VAV2: variants seen among roughly 807,000 people sequenced by gnomAD.
VAV2 encodes the protein guanine nucleotide exchange factor VAV2.
In VAV2, 67 loss-of-function variants were observed where a neutral mutation model predicts 132.5. The observed-to-expected ratio is 0.51, with a 90% CI of 0.42 to 0.62. VAV2 has a LOEUF of 0.62. Among genes scored for constraint, VAV2 ranks in the 20% least tolerant of loss-of-function variants. The pLI is 0.00. For synonymous variants in VAV2, 492 were observed against 443.5 expected (o/e 1.11, Z -1.37); for missense variants, 938 against 1,153.6 (o/e 0.81, Z 2.71).
At chr9:133,787,605 A>C (rs1834278557) in intron 15 of VAV2, among the ~76,000 whole-genome samples, 4 of 142,474 alleles carry the variant, frequency 2.8e-5, no homozygotes, top group African/African-American at 7.6e-5. Context: ...AGGGCTCCTG[A>C]CCCCCGCCCC....
intron 1 of VAV2, among the ~76,000 whole-genome samples, chr9:133,940,064 G>C (rs1408507998): frequency 6.6e-6 from 1 of 152,214 alleles, no homozygotes; most frequent in African/African-American, 2.4e-5. Flanking sequence ...AGGTGAGGTG[G>C]CCCGGGGGGC....
rs1840180462 is a variant in VAV2, at chr9:133,918,467, GGT to G, written c.321+20634_321+20635del. Among the ~76,000 whole-genome samples, 1 of 151,950 alleles carries G rather than the reference GGT, an allele frequency of 6.6e-6. No individual in the cohort carries two copies. Among genetic ancestry groups the G allele is most frequent in the Non-Finnish European group, 1.5e-5 (1 of 67,994 alleles). ...CTGGAAAGGCGGCAGACTCCTTCTCGGTGGCACCCATTGTAAGAGTCAGCCTG... is the reference window on the plus strand; with the variant it reads ...CTGGAAAGGCGGCAGACTCCTTCTCGGGCACCCATTGTAAGAGTCAGCCTG... On this transcript the variant is annotated intron_variant, in intron 2 of 29. Transcript: ENST00000371850. The surrounding 1 kb of genome is among the most constrained non-coding windows in gnomAD (Gnocchi z 4.7).
rs1178579665 is a variant in VAV2, at chr9:133,769,394, C to T, written c.2434+23G>A. ...GCAGCTGCCACAGGCCCGGTCCCCCCACGCCCTGGGGAGCAGCGGTACCTG... is the reference window on the plus strand; with the variant it reads ...GCAGCTGCCACAGGCCCGGTCCCCCTACGCCCTGGGGAGCAGCGGTACCTG... On this transcript the variant is annotated intron_variant, in intron 28 of 29. Coordinates refer to ENST00000371850, the MANE Select transcript of VAV2 (RefSeq NM_001134398.2). The surrounding 1 kb of genome is among the most constrained non-coding windows in gnomAD (Gnocchi z 8.1). 2 of 1,600,212 alleles carry T rather than the reference C, an allele frequency of 1.2e-6. No individual in the cohort carries two copies. Among genetic ancestry groups the T allele is most frequent in the Middle Eastern group, 1.7e-4 (1 of 5,922 alleles).
At position 133,834,095 on chromosome 9, in the gene VAV2, C is replaced by T. The variant is rs1414672130; in HGVS notation, c.449+177G>A. 1.3e-5 allele frequency among the ~76,000 whole-genome samples: 2 copies of T among 152,218 alleles called. No homozygotes were observed. Among genetic ancestry groups the T allele is most frequent in the Non-Finnish European group, 2.9e-5 (2 of 68,020 alleles). The stretch of plus-strand genomic sequence containing the variant: ...GAGGTCTCTCAGATGCATGCCTTCC[C>T]ACTCAGCACGGAAGCCCACACCATG... On this transcript the variant is annotated intron_variant, in intron 4 of 29. Coordinates refer to ENST00000371850, the MANE Select transcript of VAV2 (RefSeq NM_001134398.2). The surrounding 1 kb of genome is among the most constrained non-coding windows in gnomAD (Gnocchi z 5.9).
chr9:133,940,672 CGTGTGTGT>C (rs60265901), intron 1 of VAV2, among the ~76,000 whole-genome samples: 261 of 139,328 alleles, frequency 1.9e-3, no homozygotes, highest in African/African-American at 5.8e-3. Context: ...TGTCCACGTG[CGTGTGTGT>C]GTGTGTGTGT....
At chr9:133,955,950 C>A (rs1035907001) in intron 1 of VAV2, among the ~76,000 whole-genome samples, 2 of 150,700 alleles carry the variant, frequency 1.3e-5, no homozygotes, top group East Asian at 4.0e-4. Flanking sequence ...GCTGGAGGCC[C>A]CCGCTCCGGG....
chr9:133,796,227 C>T (rs1834707323), intron 11 of VAV2, among the ~76,000 whole-genome samples: 1 of 152,206 alleles, frequency 6.6e-6, no homozygotes, highest in Non-Finnish European at 1.5e-5. Context: ...AGTGATTGGA[C>T]TCATCATTTT....
chr9:133,789,913 G>A (rs1448098971), intron 13 of VAV2, among the ~76,000 whole-genome samples: 1 of 152,246 alleles, frequency 6.6e-6, no homozygotes, highest in Non-Finnish European at 1.5e-5. Flanking sequence ...CACACAGACA[G>A]GAAAAGGTGG....
intron 3 of VAV2, among the ~76,000 whole-genome samples, chr9:133,849,377 TAAG>T (rs1238774478): frequency 6.6e-6 from 1 of 152,098 alleles, no homozygotes; most frequent in Non-Finnish European, 1.5e-5. Context: ...AGGGCTACGT[TAAG>T]AAGCACTGGT....
chr9:133,784,006 G>A (rs577374553), intron 18 of VAV2, among the ~76,000 whole-genome samples: 142 of 151,162 alleles, frequency 9.4e-4, no homozygotes, highest in Non-Finnish European at 1.1e-3. Context: ...TCAGCCTCCC[G>A]AGTAGCTGGG....
At chr9:133,965,393 G>A (rs2132237170) in intron 1 of VAV2, among the ~76,000 whole-genome samples, 1 of 151,648 alleles carries the variant, frequency 6.6e-6, no homozygotes, top group East Asian at 1.9e-4. Flanking sequence ...CAGCTACTAG[G>A]GAGGCTGAGA....
At chr9:133,946,367 C>T (rs1841359551) in intron 1 of VAV2, among the ~76,000 whole-genome samples, 1 of 152,250 alleles carries the variant, frequency 6.6e-6, no homozygotes, top group East Asian at 1.9e-4. Flanking sequence ...AAAAGGGAAC[C>T]TGGGCACCAC....
At chr9:133,913,363 G>GT (rs1365568864) in intron 2 of VAV2, among the ~76,000 whole-genome samples, 1 of 152,236 alleles carries the variant, frequency 6.6e-6, no homozygotes, top group African/African-American at 2.4e-5. Flanking sequence ...CCACCTGGCA[G>GT]TCAGCACAGA....
intron 1 of VAV2, among the ~76,000 whole-genome samples, chr9:133,955,966 C>T (rs1404796007): frequency 6.6e-6 from 1 of 151,004 alleles, no homozygotes; most frequent in Non-Finnish European, 1.5e-5. Flanking sequence ...CCGGGGAGCT[C>T]TCAGACGGGC....
rs1588231028 is a variant in VAV2, at chr9:133,826,314, C to T, written c.449+7958G>A. ...AAAGCAGCCAGCAGCTGCAGCCTCA[C>T]ATCCAAGCCCTCGCCCAGAGCCCTG... On this transcript the variant is annotated intron_variant, in intron 4 of 29. Transcript: ENST00000371850. The surrounding 1 kb of genome is among the most constrained non-coding windows in gnomAD (Gnocchi z 4.2). Among the ~76,000 whole-genome samples, 1 of 152,238 alleles carries T rather than the reference C, an allele frequency of 6.6e-6. No homozygotes were observed. Among genetic ancestry groups the T allele is most frequent in the African/African-American group, 2.4e-5 (1 of 41,464 alleles).
chr9:133,770,346 GTGC>G, intron 27 of VAV2, 29 bp downstream of exon 27: 1 of 1,613,178 alleles, frequency 6.2e-7, no homozygotes, highest in Non-Finnish European at 8.5e-7. Context: ...CCTCCGAGGA[GTGC>G]TGGTGTGCCG....
rs531794924 is a variant in VAV2 at position 133,867,018 on chromosome 9, T to C, written c.322-5586A>G. 2.0e-5 allele frequency among the ~76,000 whole-genome samples: 3 copies of C among 152,140 alleles called. No homozygotes were observed. In the South Asian group the frequency reaches 6.2e-4, roughly 32 times the overall value. On this transcript the variant is annotated intron_variant, in intron 2 of 29. Coordinates refer to ENST00000371850, the MANE Select transcript of VAV2 (RefSeq NM_001134398.2). Reference sequence around the variant, plus strand: ...CTCCCTGAGCCTGTTTCCTCAACAGTAAAACACGGTCCTAACAGAGGTCTC... The same window carrying C: ...CTCCCTGAGCCTGTTTCCTCAACAGCAAAACACGGTCCTAACAGAGGTCTC...
At chr9:133,764,997 A>C (rs1451005077) in intron 29 of VAV2, among the ~76,000 whole-genome samples, 1 of 152,240 alleles carries the variant, frequency 6.6e-6, no homozygotes, top group Non-Finnish European at 1.5e-5. Context: ...AATGAACTTC[A>C]AAATGAACTC....
chr9:133,971,192 G>A (rs1044211577), intron 1 of VAV2, among the ~76,000 whole-genome samples: 2 of 152,194 alleles, frequency 1.3e-5, no homozygotes, highest in African/African-American at 4.8e-5. Flanking sequence ...TCCAAAGCTT[G>A]CAGATGGAAC....
Sources: gnomAD v4.1 joint callset for allele counts (sites outside exome capture counted in the v4.1 genomes callset) on GRCh38, gnomAD v4.1.1 for gene constraint, Gnocchi (gnomAD v3.1) non-coding constraint, MANE v1.5 for transcripts, NCBI Gene and HGNC (gene_info 2026-07-23, HGNC 2026-07-21) for gene names.